Variants in FBXO11 observed in about 807,000 individuals in gnomAD.
The protein encoded by FBXO11 is F-box protein 11, also known as F-box only protein 11.
Under a neutral mutation model 117.0 loss-of-function variants are expected in FBXO11, and 13 were observed. That is an observed-to-expected ratio of 0.11 (90% confidence interval 0.07 to 0.18). The LOEUF (loss-of-function observed/expected upper bound fraction) is 0.18. Among genes scored for constraint, FBXO11 ranks in the 10% least tolerant of loss-of-function variants. FBXO11 has a pLI of 1.00. For missense variants in FBXO11, 767 were observed against 1,164.4 expected, an observed-to-expected ratio of 0.66 and a Z score of 4.97; for synonymous variants, 490 against 380.5, an observed-to-expected ratio of 1.29 and a Z score of -3.35.
intron 1 of FBXO11, among the ~76,000 whole-genome samples, chr2:47,853,758 A>G (rs939581473): frequency 1.6e-4 from 25 of 152,226 alleles, no homozygotes; most frequent in African/African-American, 5.5e-4. Flanking sequence ...TGACCTCTCA[A>G]CATTAGCTAT....
chr2:47,875,732 T>C (rs1675954978), intron 1 of FBXO11, among the ~76,000 whole-genome samples: 1 of 152,144 alleles, frequency 6.6e-6, no homozygotes, highest in Admixed American at 6.6e-5. Flanking sequence ...TCATAATATC[T>C]ACCCTTCTAA....
At position 47,822,252 on chromosome 2, in the gene FBXO11, A is replaced by G. The variant is rs1671445787; in HGVS notation, c.1668T>C (p.Asp556=). ...GNQGGVYIFG[D]GRGLIEGNDI... ...CATTTCCTTCAATAAGGCCTCGTCC[A>G]TCACCAAAGATGTAAACTCCTCCTT... The change falls in exon 13 of 23, where the codon GAT becomes GAC. Residue 556 remains aspartate (D), a synonymous_variant. Coordinates refer to ENST00000403359, the MANE Select transcript of FBXO11 (RefSeq NM_001190274.2). 1 of 1,602,530 alleles carries G rather than the reference A, an allele frequency of 6.2e-7. No homozygotes were observed. Among genetic ancestry groups the G allele is most frequent in the Non-Finnish European group, 8.5e-7 (1 of 1,174,482 alleles).
chr2:47,806,926 T>G lies in FBXO11; in HGVS notation c.*1192A>C. Reference sequence around the variant, plus strand: ...GTGGTAAATTCAGACAACATTATGATCTAATAAACTTTATTTTTTAAAAAT... The same window carrying G: ...GTGGTAAATTCAGACAACATTATGAGCTAATAAACTTTATTTTTTAAAAAT... On this transcript the variant is annotated 3_prime_UTR_variant, in exon 23 of 23. Transcript: ENST00000403359. 8.6e-7 allele frequency: 1 copy of G among 1,169,218 alleles called. No homozygotes were observed. 72.4% of individuals were successfully genotyped at this position (1,169,218 alleles called of 1,614,324 possible).
At chr2:47,890,572 G>A (rs1215556097) in intron 1 of FBXO11, among the ~76,000 whole-genome samples, 1 of 152,076 alleles carries the variant, frequency 6.6e-6, no homozygotes, top group Non-Finnish European at 1.5e-5. Context: ...AGGAGGCCGA[G>A]GTGGGTGGAC....
At chr2:47,873,471 A>G (rs1675773848) in intron 1 of FBXO11, among the ~76,000 whole-genome samples, 1 of 152,030 alleles carries the variant, frequency 6.6e-6, no homozygotes. Context: ...CTAATTCCTT[A>G]GTCTTTTGAG....
chr2:47,895,364 A>G (rs973716227), intron 1 of FBXO11, among the ~76,000 whole-genome samples: 1 of 152,190 alleles, frequency 6.6e-6, no homozygotes, highest in African/African-American at 2.4e-5. Context: ...ATATGGATGA[A>G]GCTCACAACA....
At chr2:47,846,135 G>A (rs1198192059) in intron 1 of FBXO11, among the ~76,000 whole-genome samples, 1 of 152,190 alleles carries the variant, frequency 6.6e-6, no homozygotes, top group East Asian at 1.9e-4. Context: ...TCATGGATTA[G>A]TTATGGTTTT....
Position 47,905,541 on chromosome 2 carries a change from C to G in FBXO11, c.180G>C (p.Pro60=). ...GAGGCAGCGGCGGAGGCGGCGGTGG[C>G]GGCGGCGGAGGCTGCTGCTGCTGCT... ...QQQQQQQPPP[P]PPPPPPLPQE... is the part of the protein sequence containing the mutation. The change falls in exon 1 of 23, where the codon CCG becomes CCC. Residue 60 remains proline, a synonymous_variant. Transcript: ENST00000403359. The G allele has an allele frequency of 8.1e-7, 1 of 1,238,502 alleles. No homozygotes were observed. The highest frequency in any genetic ancestry group is 1.0e-6 in the Non-Finnish European group (1 of 993,550). 76.7% of individuals were successfully genotyped at this position (1,238,502 alleles called of 1,614,324 possible). A position where few individuals can be genotyped will look rare whatever the true frequency, so the allele number is the denominator to read the frequency against.
At chr2:47,874,319 T>G (rs1340464191) in intron 1 of FBXO11, among the ~76,000 whole-genome samples, 2 of 152,176 alleles carry the variant, frequency 1.3e-5, no homozygotes, top group Non-Finnish European at 2.9e-5. Context: ...TTTCCTTTAC[T>G]TCCTATTCCC....
intron 4 of FBXO11, 85 bp from the exon 5 acceptor site, chr2:47,836,086 G>A: frequency 1.0e-6 from 1 of 981,960 alleles, no homozygotes; most frequent in Non-Finnish European, 1.4e-6. Flanking sequence ...AATTATTTGA[G>A]GCCTCAAAAA....
rs1424775891 is a variant in FBXO11 at position 47,905,649 on chromosome 2, C to T, written c.72G>A (p.Gln24=). Residue 24 remains glutamine, a synonymous_variant, in exon 1 of 23, where the codon CAG becomes CAA. Transcript: ENST00000403359. ...GCGGCGGCTGCTGCGGGGGCTGCTGCTGCTGTTGCTGCACCGGGCGCGGCC... is the reference window on the plus strand; with the variant it reads ...GCGGCGGCTGCTGCGGGGGCTGCTGTTGCTGTTGCTGCACCGGGCGCGGCC... The part of the protein sequence containing the change: ...VSRPRPVQQQ[Q]QQPPQQPPPQ... 1.4e-6 allele frequency: 2 copies of T among 1,459,910 alleles called. No individual in the cohort carries two copies. The highest frequency in any genetic ancestry group is 1.8e-6 in the Non-Finnish European group (2 of 1,104,632). 90.4% of individuals were successfully genotyped at this position (1,459,910 alleles called of 1,614,324 possible). A position where few individuals can be genotyped will look rare whatever the true frequency, so the allele number is the denominator to read the frequency against.
chr2:47,882,902 G>A (rs898945075), intron 1 of FBXO11, among the ~76,000 whole-genome samples: 1 of 152,158 alleles, frequency 6.6e-6, no homozygotes, highest in Non-Finnish European at 1.5e-5. Context: ...CCCTGTCTCA[G>A]CCTCCCAAAG....
In FBXO11 at chr2:47,807,303, T is replaced by G. The variant is rs1242121136; in HGVS notation, c.*815A>C. Reference sequence around the variant, plus strand: ...AGTGTACTTAAAACATAGTAGTTTTTTACCTTTCACAAAACTGAGTTACAA... The same window carrying G: ...AGTGTACTTAAAACATAGTAGTTTTGTACCTTTCACAAAACTGAGTTACAA... On this transcript the variant is annotated 3_prime_UTR_variant, in exon 23 of 23. Transcript: ENST00000403359. 1 of 216,624 alleles carries G rather than the reference T, an allele frequency of 4.6e-6. No homozygotes were observed. The highest frequency in any genetic ancestry group is 9.3e-6 in the Non-Finnish European group (1 of 107,580). The allele number at this position is 216,624 out of a possible 1,614,324, so 13.4% of individuals were successfully genotyped here. A position where few individuals can be genotyped will look rare whatever the true frequency, so the allele number is the denominator to read the frequency against.
intron 1 of FBXO11, among the ~76,000 whole-genome samples, chr2:47,879,183 G>A (rs146964452): frequency 2.0e-5 from 3 of 152,020 alleles, no homozygotes; most frequent in Non-Finnish European, 4.4e-5. Context: ...TAATTTCTTT[G>A]ACTAATCCCC....
intron 1 of FBXO11, among the ~76,000 whole-genome samples, chr2:47,863,390 T>C (rs1384898433): frequency 6.6e-6 from 1 of 152,180 alleles, no homozygotes; most frequent in African/African-American, 2.4e-5. Context: ...CAAGTGCTCT[T>C]AAACAGCTCG....
In FBXO11 at chr2:47,862,765, A is replaced by G. The variant is rs192382932; in HGVS notation, c.233-22996T>C. ...CCAAAGACTTACAGCAGCTTCAAAA[A>G]CGTTTTCAGCCGGGCGTGGTGGCTC... On this transcript the variant is annotated intron_variant, in intron 1 of 22. Coordinates refer to ENST00000403359, the MANE Select transcript of FBXO11 (RefSeq NM_001190274.2). Among the ~76,000 whole-genome samples the G allele has an allele frequency of 1.1e-3, 172 of 152,218 alleles. 1 individual carries two copies. Among genetic ancestry groups the G allele is most frequent in the Admixed American group, 4.9e-3 (75 of 15,296 alleles).
chr2:47,810,168 G>A, intron 19 of FBXO11, 148 bp downstream of exon 19: 1 of 572,760 alleles, frequency 1.7e-6, no homozygotes. Flanking sequence ...ACTTGATTAG[G>A]TGCTCTTGTA....
At chr2:47,897,979 C>T (rs527620474) in intron 1 of FBXO11, among the ~76,000 whole-genome samples, 1 of 152,200 alleles carries the variant, frequency 6.6e-6, no homozygotes, top group South Asian at 2.1e-4. Flanking sequence ...GAAAATATTC[C>T]TTAATGTTTT....
At chr2:47,903,700 A>G (rs1051241565) in intron 1 of FBXO11, among the ~76,000 whole-genome samples, 8 of 152,224 alleles carry the variant, frequency 5.3e-5, no homozygotes, top group Non-Finnish European at 1.2e-4. Context: ...CAATTACCAC[A>G]TCTTGAAAAA....
Sources: gnomAD v4.1 joint callset for allele counts (sites outside exome capture counted in the v4.1 genomes callset) on GRCh38, gnomAD v4.1.1 for gene constraint, MANE v1.5 for transcripts, NCBI Gene and HGNC (gene_info 2026-07-23, HGNC 2026-07-21) for gene names.